The following PRDM16 variants were observed in gnomAD, a reference collection of about 807,000 sequenced individuals.
The protein encoded by PRDM16 is histone-lysine N-methyltransferase PRDM16.
Under a neutral mutation model 110.6 loss-of-function variants are expected in PRDM16, and 23 were observed. That is an observed-to-expected ratio of 0.21 (90% CI 0.15 to 0.29). PRDM16 has a LOEUF of 0.29. PRDM16 is among the 10% of genes least tolerant of loss of function. The pLI is 1.00. For synonymous variants in PRDM16, 799 were observed against 781.8 expected (o/e 1.02, Z -0.37); for missense variants, 1,615 against 1,794.3 (o/e 0.90, Z 1.81).
chr1:3,111,567 A>G (rs1448918468), intron 1 of PRDM16, among the ~76,000 whole-genome samples: 16 of 148,088 alleles, frequency 1.1e-4, no homozygotes, highest in African/African-American at 4.0e-4. Context: ...GAGAAGGAGG[A>G]GGAAGGGGAA....
chr1:3,134,608 G>A (rs1275613209), intron 1 of PRDM16, among the ~76,000 whole-genome samples: 1 of 152,230 alleles, frequency 6.6e-6, no homozygotes, highest in Non-Finnish European at 1.5e-5. Context: ...ATAGGAAAAA[G>A]AACCGTGAAA....
chr1:3,401,093 G>A (rs1430660622), intron 5 of PRDM16, among the ~76,000 whole-genome samples: 1 of 152,144 alleles, frequency 6.6e-6, no homozygotes, highest in Non-Finnish European at 1.5e-5. Context: ...ACCCGCCAGG[G>A]GTGCTGGGGT....
chr1:3,183,143 C>T (rs1240741057), intron 1 of PRDM16, among the ~76,000 whole-genome samples: 1 of 152,210 alleles, frequency 6.6e-6, no homozygotes, highest in Non-Finnish European at 1.5e-5. Flanking sequence ...GAGAGAGTGC[C>T]TGCTGGAAAT....
intron 1 of PRDM16, among the ~76,000 whole-genome samples, chr1:3,129,247 CGT>C (rs1643280952): frequency 6.9e-6 from 1 of 144,428 alleles, no homozygotes; most frequent in African/African-American, 2.6e-5. Flanking sequence ...CATGTGGGTG[CGT>C]GTGTGTGGGT....
chr1:3,220,462 C>T (rs1464787311), intron 2 of PRDM16, among the ~76,000 whole-genome samples: 1 of 152,208 alleles, frequency 6.6e-6, no homozygotes, highest in Non-Finnish European at 1.5e-5. Context: ...CAGGTTGGGG[C>T]AACATTGGGT....
chr1:3,292,309 C>T (rs777754639), intron 3 of PRDM16, among the ~76,000 whole-genome samples: 5 of 152,228 alleles, frequency 3.3e-5, no homozygotes, highest in South Asian at 2.1e-4. Flanking sequence ...AACGCGGGCA[C>T]GGCAGGCCCG....
rs540873501 is a variant in PRDM16, at chr1:3,290,645, G to C, written c.438+46508G>C. On this transcript the variant is annotated intron_variant, in intron 3 of 16. Transcript: ENST00000270722. This position sits in a 1 kb window ranked among gnomAD's most constrained non-coding sequence, Gnocchi z 4.8. ...CAGGACGCAGTGGTGGGCCCAGGCC[G>C]GCCAGCGCTGGCTGAAGGAGCACTG... is the stretch of plus-strand genomic sequence containing the variant. Among the ~76,000 whole-genome samples, 2 of 152,162 alleles carry C rather than the reference G, an allele frequency of 1.3e-5. No homozygotes were observed. The highest frequency in any genetic ancestry group is 2.9e-5 in the Non-Finnish European group (2 of 68,026).
intron 1 of PRDM16, among the ~76,000 whole-genome samples, chr1:3,150,017 C>A (rs972536128): frequency 6.6e-6 from 1 of 152,216 alleles, no homozygotes; most frequent in South Asian, 2.1e-4. Context: ...CTGGCTGGGG[C>A]GTGTCCATCT....
At chr1:3,394,324 G>A (rs753884895) in intron 4 of PRDM16, among the ~76,000 whole-genome samples, 64 of 147,194 alleles carry the variant, frequency 4.3e-4, no homozygotes, top group Non-Finnish European at 8.3e-4. Context: ...GGAGGCGCTC[G>A]GAGGCTCTCG....
chr1:3,134,353 C>T (rs773195741), intron 1 of PRDM16, among the ~76,000 whole-genome samples: 7 of 152,242 alleles, frequency 4.6e-5, no homozygotes, highest in Non-Finnish European at 8.8e-5. Flanking sequence ...GGCCTGGGGA[C>T]GGACAGTTGG....
chr1:3,186,367 G>T lies in PRDM16; in HGVS notation c.280G>T (p.Ala94Ser), dbSNP rs1338997968. 1 of 1,611,652 alleles carries T rather than the reference G, an allele frequency of 6.2e-7. No homozygotes were observed. Among genetic ancestry groups the T allele is most frequent in the Admixed American group, 1.7e-5 (1 of 59,918 alleles). ...GCTCCGAGAGTCCTCCATCCCAGGGGCTGGCCTGGGGGTCTGGGCCAAGAG... is the reference window on the plus strand; with the variant it reads ...GCTCCGAGAGTCCTCCATCCCAGGGTCTGGCCTGGGGGTCTGGGCCAAGAG... The part of the protein sequence containing the change: ...FELRESSIPG[A>S]GLGVWAKRKM... Residue 94 changes from alanine to serine, a missense_variant, in exon 2 of 17, where the codon GCT becomes TCT. Coordinates refer to ENST00000270722, the MANE Select transcript of PRDM16 (RefSeq NM_022114.4).
chr1:3,266,376 G>A (rs928717072), intron 3 of PRDM16, among the ~76,000 whole-genome samples: 4 of 152,182 alleles, frequency 2.6e-5, no homozygotes, highest in African/African-American at 7.2e-5. Flanking sequence ...ATGCGCGCCG[G>A]AGCCTTTTCG....
intron 1 of PRDM16, among the ~76,000 whole-genome samples, chr1:3,184,032 A>G (rs569736014): frequency 1.3e-5 from 2 of 152,304 alleles, no homozygotes; most frequent in African/African-American, 4.8e-5. Context: ...GCACACGGTC[A>G]GCGGGGCGGG....
intron 2 of PRDM16, among the ~76,000 whole-genome samples, chr1:3,225,806 G>A (rs531699050): frequency 6.6e-6 from 1 of 152,330 alleles, no homozygotes; most frequent in African/African-American, 2.4e-5. Context: ...ACCTCCAGAA[G>A]TGTCGGATCA....
rs148239585 is a variant in PRDM16 at position 3,267,282 on chromosome 1, G to A, written c.438+23145G>A. Among the ~76,000 whole-genome samples the A allele has an allele frequency of 3.3e-3, 500 of 152,266 alleles. 3 individuals carry two copies. The highest frequency in any genetic ancestry group is 0.011 in the African/African-American group (471 of 41,538). On this transcript the variant is annotated intron_variant, in intron 3 of 16. Coordinates refer to ENST00000270722, the MANE Select transcript of PRDM16 (RefSeq NM_022114.4). ...AGTCATGCAGCGTGTGGCTCTTATG[G>A]CTAAAATGTTCACTGAACATAATGT...
intron 3 of PRDM16, among the ~76,000 whole-genome samples, chr1:3,380,293 C>T (rs1047929870): frequency 6.6e-6 from 1 of 151,894 alleles, no homozygotes; most frequent in Non-Finnish European, 1.5e-5. Flanking sequence ...AGGAGTTAAC[C>T]AAGACCTCCT....
intron 3 of PRDM16, among the ~76,000 whole-genome samples, chr1:3,365,972 GCA>G (rs917451799): frequency 1.5e-4 from 22 of 151,282 alleles, no homozygotes; most frequent in South Asian, 2.1e-4. Flanking sequence ...GCACACACAC[GCA>G]CACACGCACA....
Position 3,225,041 on chromosome 1 carries a change from G to A in PRDM16, c.388-19046G>A, listed in dbSNP as rs562160258. Among the ~76,000 whole-genome samples, 5 of 152,302 alleles carry A rather than the reference G, an allele frequency of 3.3e-5. No homozygotes were observed. The South Asian group carries it at 6.2e-4, about 19-fold the overall frequency. On this transcript the variant is annotated intron_variant, in intron 2 of 16. Coordinates refer to ENST00000270722, the MANE Select transcript of PRDM16 (RefSeq NM_022114.4). ...TCCTCCTGAGGTGGGGGCGAGGAGC[G>A]CCTTCATTACGGTTCAGGTCTGCTT...
At chr1:3,177,249 C>T (rs141324271) in intron 1 of PRDM16, among the ~76,000 whole-genome samples, 2 of 152,306 alleles carry the variant, frequency 1.3e-5, no homozygotes, top group African/African-American at 2.4e-5. Flanking sequence ...AGCTATTTAT[C>T]TCTCCATCCA....
Sources: allele counts gnomAD v4.1 joint callset (sites outside exome capture counted in the v4.1 genomes callset), GRCh38; gene constraint gnomAD v4.1.1; non-coding constraint Gnocchi (gnomAD v3.1); transcripts MANE v1.5; gene names NCBI Gene and HGNC (gene_info 2026-07-23, HGNC 2026-07-21).